KIF3B: variants seen among roughly 807,000 people sequenced by gnomAD.
The protein encoded by KIF3B is kinesin-like protein KIF3B.
A neutral mutation model predicts 74.3 loss-of-function variants in KIF3B; 38 were observed. The observed-to-expected ratio is 0.51, with a 90% CI of 0.39 to 0.67. The LOEUF is 0.67. KIF3B is among the 30% of genes least tolerant of loss of function. The probability of loss-of-function intolerance (pLI) is 0.00; values close to 1 mark genes in which losing one functional copy is unlikely to be tolerated. For missense variants in KIF3B, 649 were observed against 932.0 expected (o/e 0.70, Z 3.95); for synonymous variants, 326 against 342.5 (o/e 0.95, Z 0.53).
At chr20:32,311,970 G>A (rs1397761886) in intron 2 of KIF3B, among the ~76,000 whole-genome samples, 1 of 151,454 alleles carries the variant, frequency 6.6e-6, no homozygotes, top group East Asian at 1.9e-4. Context: ...GCCCGGCTAA[G>A]TTTTGTATTT....
At chr20:32,299,350 A>C (rs2047730425) in intron 1 of KIF3B, among the ~76,000 whole-genome samples, 1 of 126,882 alleles carries the variant, frequency 7.9e-6, no homozygotes, top group African/African-American at 3.1e-5. Flanking sequence ...TTTATTCCTT[A>C]TAACTTGTAA....
Position 32,298,435 on chromosome 20 carries a change from A to C in KIF3B, c.-65-11278A>C, listed in dbSNP as rs112854433. Among the ~76,000 whole-genome samples, 1,008 of 152,372 alleles carry C rather than the reference A, an allele frequency of 6.6e-3. 14 individuals are homozygous for C. The highest frequency in any genetic ancestry group is 0.024 in the African/African-American group (980 of 41,584). ...ACAGAGTGAGACTCTATCTCAAAAA[A>C]CAAACAAAACAAAAATTCAGAGAAT... On this transcript the variant is annotated intron_variant, in intron 1 of 8. Transcript: ENST00000375712.
chr20:32,328,835 C>T (rs561548130), intron 7 of KIF3B, among the ~76,000 whole-genome samples: 114 of 152,240 alleles, frequency 7.5e-4, no homozygotes, highest in African/African-American at 2.5e-3. Flanking sequence ...TCATTGAGGA[C>T]TATTTAATGA....
chr20:32,311,452 C>T lies in KIF3B; in HGVS notation c.1404+271C>T. Among the ~76,000 whole-genome samples, 2 of 914 alleles carry T rather than the reference C, an allele frequency of 2.2e-3. 1 individual carries two copies. The highest frequency in any genetic ancestry group is 0.036 in the Admixed American group (2 of 56). 0.6% of individuals were successfully genotyped at this position (914 alleles called of 152,430 possible). A position where few individuals can be genotyped will look rare whatever the true frequency, so the allele number is the denominator to read the frequency against. ...AGAACAGCAACGCCTGTAATCCCAG[C>T]ACTTTGGGAGGCCGAGGCGGGCGGA... On this transcript the variant is annotated intron_variant, in intron 2 of 8. Coordinates refer to ENST00000375712, the MANE Select transcript of KIF3B (RefSeq NM_004798.4).
At chr20:32,319,904 G>GT (rs1055663582) in intron 5 of KIF3B, among the ~76,000 whole-genome samples, 13 of 144,200 alleles carry the variant, frequency 9.0e-5, no homozygotes, top group Admixed American at 5.5e-4. Flanking sequence ...AGTTTTAAGA[G>GT]TTTTTTTTGA....
intron 1 of KIF3B, among the ~76,000 whole-genome samples, chr20:32,295,503 C>T (rs2122668178): frequency 6.6e-6 from 1 of 152,228 alleles, no homozygotes; most frequent in South Asian, 2.1e-4. Context: ...CCGTGTTAGC[C>T]AGGATGGTCT....
chr20:32,303,422 G>A (rs2047753755), intron 1 of KIF3B, among the ~76,000 whole-genome samples: 1 of 151,920 alleles, frequency 6.6e-6, no homozygotes, highest in Non-Finnish European at 1.5e-5. Flanking sequence ...AAAATTAGCT[G>A]GACCTGGTGG....
intron 1 of KIF3B, among the ~76,000 whole-genome samples, chr20:32,296,114 C>T (rs945901588): frequency 6.6e-6 from 1 of 151,800 alleles, no homozygotes; most frequent in Admixed American, 6.6e-5. Context: ...CCACCCGCCT[C>T]GGCCTCCCAA....
intron 1 of KIF3B, among the ~76,000 whole-genome samples, chr20:32,284,441 C>T (rs1003815173): frequency 6.6e-6 from 1 of 152,158 alleles, no homozygotes; most frequent in Non-Finnish European, 1.5e-5. Context: ...ATCCTTGCTG[C>T]TCAAAGTGTG....
intron 5 of KIF3B, among the ~76,000 whole-genome samples, chr20:32,322,674 ATATATTTATATATATT>A (rs1200157658): frequency 0.081 from 4,125 of 50,620 alleles, 871 homozygotes; most frequent in African/African-American, 0.39. Context: ...ATATATATTT[ATATATTTATATATATT>A]TATATATATT....
At chr20:32,324,680 G>A (rs764921919) in intron 5 of KIF3B, among the ~76,000 whole-genome samples, 4 of 152,112 alleles carry the variant, frequency 2.6e-5, no homozygotes, top group Non-Finnish European at 5.9e-5. Flanking sequence ...CAAAGAAGAA[G>A]TTTTCAAAGG....
chr20:32,278,985 G>A (rs1342236231), intron 1 of KIF3B, among the ~76,000 whole-genome samples: 1 of 147,600 alleles, frequency 6.8e-6, no homozygotes, highest in African/African-American at 2.5e-5. Flanking sequence ...GTGCAGTGGC[G>A]CGATCTCAGC....
At chr20:32,323,814 G>C (rs1000951428) in intron 5 of KIF3B, among the ~76,000 whole-genome samples, 1 of 152,010 alleles carries the variant, frequency 6.6e-6, no homozygotes, top group Non-Finnish European at 1.5e-5. Context: ...GAAGGCGGAG[G>C]TTGCAGTGAG....
intron 5 of KIF3B, among the ~76,000 whole-genome samples, chr20:32,320,481 A>ATG (rs145644184): frequency 0.024 from 3,351 of 141,526 alleles, 58 homozygotes; most frequent in African/African-American, 0.048. Flanking sequence ...CTTTCTTCAT[A>ATG]TGTGTGTGTG....
chr20:32,325,664 T>A (rs1430839567), intron 5 of KIF3B, among the ~76,000 whole-genome samples: 1 of 82,278 alleles, frequency 1.2e-5, no homozygotes, highest in Non-Finnish European at 2.3e-5. Flanking sequence ...TCTTTTTTTT[T>A]TTTTTTTTTT....
At chr20:32,296,904 A>G (rs2047719715) in intron 1 of KIF3B, among the ~76,000 whole-genome samples, 1 of 152,108 alleles carries the variant, frequency 6.6e-6, no homozygotes, top group South Asian at 2.1e-4. Context: ...GAGACCTAGA[A>G]TTGGACTTGC....
chr20:32,308,484 C>G (rs4519605), intron 1 of KIF3B, among the ~76,000 whole-genome samples: 3,079 of 152,268 alleles, frequency 0.02, 162 homozygotes, highest in Admixed American at 0.12. Context: ...AGTCTTGGCT[C>G]TCTGCAACTT....
Position 32,311,445 on chromosome 20 carries a change from A to AC in KIF3B, c.1404+264_1404+265insC. On this transcript the variant is annotated intron_variant, in intron 2 of 8. Transcript: ENST00000375712. ...AGTATAAAGAACAGCAACGCCTGTA[A>AC]TCCCAGCACTTTGGGAGGCCGAGGC... Among the ~76,000 whole-genome samples, 2 of 918 alleles carry AC rather than the reference A, an allele frequency of 2.2e-3. 1 individual carries two copies. Among genetic ancestry groups the AC allele is most frequent in the Admixed American group, 0.036 (2 of 56 alleles). The allele number at this position is 918 out of a possible 152,430, so 0.6% of individuals were successfully genotyped here. A position where few individuals can be genotyped will look rare whatever the true frequency, so the allele number is the denominator to read the frequency against.
At chr20:32,326,540 C>G (rs6087875) in intron 5 of KIF3B, among the ~76,000 whole-genome samples, 1 of 152,160 alleles carries the variant, frequency 6.6e-6, no homozygotes, top group Admixed American at 6.6e-5. Flanking sequence ...CTGTCAGTAC[C>G]TATTATACCT....
Sources: allele counts gnomAD v4.1 joint callset (sites outside exome capture counted in the v4.1 genomes callset), GRCh38; gene constraint gnomAD v4.1.1; transcripts MANE v1.5; gene names NCBI Gene and HGNC (gene_info 2026-07-23, HGNC 2026-07-21).